LDLRAD3: variants seen among roughly 807,000 people sequenced by gnomAD.
LDLRAD3 encodes low-density lipoprotein receptor class A domain-containing protein 3.
In LDLRAD3, 20 loss-of-function variants were observed where a neutral mutation model predicts 29.4. The ratio of observed to expected loss-of-function variants is 0.68; its 90% confidence interval spans 0.48 to 0.99. LDLRAD3 has a LOEUF of 0.99. Among genes scored for constraint, LDLRAD3 ranks in the 50% least tolerant of loss-of-function variants. LDLRAD3 has a pLI of 0.00. For missense variants in LDLRAD3, 420 were observed against 454.3 expected, an observed-to-expected ratio of 0.92 and a Z score of 0.69; for synonymous variants, 157 against 192.7, an observed-to-expected ratio of 0.81 and a Z score of 1.53.
At chr11:36,092,902 C>T (rs1294496050) in intron 3 of LDLRAD3, among the ~76,000 whole-genome samples, 2 of 152,180 alleles carry the variant, frequency 1.3e-5, no homozygotes, top group African/African-American at 4.8e-5. Flanking sequence ...CTTGCTGCTA[C>T]GTTTGGGCTG....
chr11:35,987,827 T>C (rs1851634122), intron 1 of LDLRAD3, among the ~76,000 whole-genome samples: 1 of 152,196 alleles, frequency 6.6e-6, no homozygotes, highest in South Asian at 2.1e-4. Context: ...TTTTAAGCTC[T>C]TTGAGAAATC....
chr11:36,126,207 C>T (rs111460924), intron 4 of LDLRAD3, among the ~76,000 whole-genome samples: 16 of 152,276 alleles, frequency 1.1e-4, no homozygotes, highest in African/African-American at 3.4e-4. Flanking sequence ...TGCTGGTCCC[C>T]GCTGCCTGCA....
intron 4 of LDLRAD3, among the ~76,000 whole-genome samples, chr11:36,158,016 A>G (rs915095022): frequency 6.6e-6 from 1 of 152,206 alleles, no homozygotes; most frequent in African/African-American, 2.4e-5. Context: ...ATATACAGAT[A>G]GGAAGTCATT....
In LDLRAD3 at chr11:36,024,718, C is replaced by G. The variant is rs76732224; in HGVS notation, c.47-11385C>G. On this transcript the variant is annotated intron_variant, in intron 1 of 5. Transcript: ENST00000315571. ...TGTGCCTTTGGCCCTTCCTTAGTTG[C>G]AAAAGCCAGGGGGCCCTACCAAGTC... Among the ~76,000 whole-genome samples, 159 of 152,284 alleles carry G rather than the reference C, an allele frequency of 1.0e-3. 1 individual carries two copies. Among genetic ancestry groups the G allele is most frequent in the African/African-American group, 3.5e-3 (146 of 41,562 alleles).
chr11:36,069,338 C>T (rs1430784965), intron 2 of LDLRAD3, among the ~76,000 whole-genome samples: 1 of 152,130 alleles, frequency 6.6e-6, no homozygotes, highest in Non-Finnish European at 1.5e-5. Context: ...GCTTTCTTGT[C>T]CCCAACCATG....
chr11:36,039,120 C>G (rs1339426718), intron 2 of LDLRAD3, among the ~76,000 whole-genome samples: 3 of 152,074 alleles, frequency 2.0e-5, no homozygotes, highest in Admixed American at 6.5e-5. Flanking sequence ...CAGGCGCCCG[C>G]CACTACGCCC....
intron 4 of LDLRAD3, among the ~76,000 whole-genome samples, chr11:36,116,413 C>T (rs1195498385): frequency 5.9e-5 from 9 of 151,958 alleles, no homozygotes; most frequent in African/African-American, 1.2e-4. Flanking sequence ...GGGGGTGAAA[C>T]CGACCCTCTT....
intron 4 of LDLRAD3, among the ~76,000 whole-genome samples, chr11:36,210,363 T>C (rs1855267490): frequency 6.6e-6 from 1 of 152,258 alleles, no homozygotes. Flanking sequence ...TTTCTTGTTT[T>C]AAACACAGCC....
intron 4 of LDLRAD3, among the ~76,000 whole-genome samples, chr11:36,105,580 A>G (rs1409605716): frequency 6.6e-6 from 1 of 151,920 alleles, no homozygotes; most frequent in African/African-American, 2.4e-5. Context: ...CGGTGTTCTT[A>G]TAAGAAGGGA....
At chr11:35,975,120 G>T (rs1033941685) in intron 1 of LDLRAD3, among the ~76,000 whole-genome samples, 1 of 152,212 alleles carries the variant, frequency 6.6e-6, no homozygotes, top group Non-Finnish European at 1.5e-5. Context: ...TATGCTGCCT[G>T]CTGACTTCAT....
At chr11:36,216,715 CTTGT>C (rs1281193103) in intron 4 of LDLRAD3, among the ~76,000 whole-genome samples, 4 of 152,206 alleles carry the variant, frequency 2.6e-5, no homozygotes, top group African/African-American at 9.6e-5. Context: ...AGGGGTTTAA[CTTGT>C]CTAATCCAGT....
intron 4 of LDLRAD3, among the ~76,000 whole-genome samples, chr11:36,113,750 T>C (rs566559568): frequency 6.6e-6 from 1 of 150,508 alleles, no homozygotes; most frequent in East Asian, 2.0e-4. Flanking sequence ...CTCAGCCCAT[T>C]GCAACCCCTG....
chr11:35,955,913 C>T (rs994981789), intron 1 of LDLRAD3, among the ~76,000 whole-genome samples: 8 of 152,198 alleles, frequency 5.3e-5, no homozygotes, highest in African/African-American at 1.4e-4. Flanking sequence ...GGGGAGCCCC[C>T]AGGGGCCTTT....
chr11:36,075,798 G>C (rs1040292478), intron 2 of LDLRAD3, among the ~76,000 whole-genome samples: 4 of 151,866 alleles, frequency 2.6e-5, no homozygotes, highest in African/African-American at 9.7e-5. Flanking sequence ...TCCTTATTTT[G>C]TTGGCCTCAG....
intron 4 of LDLRAD3, among the ~76,000 whole-genome samples, chr11:36,200,771 A>G (rs1362788000): frequency 2.6e-5 from 4 of 152,246 alleles, no homozygotes; most frequent in African/African-American, 9.6e-5. Flanking sequence ...ATGGGCTTGC[A>G]GTAAGTGTTC....
chr11:36,218,506 G>A (rs559428679), intron 4 of LDLRAD3, among the ~76,000 whole-genome samples: 2 of 152,356 alleles, frequency 1.3e-5, no homozygotes, highest in East Asian at 3.9e-4. Flanking sequence ...GACTCTCACG[G>A]AGGTTTTCTT....
intron 2 of LDLRAD3, among the ~76,000 whole-genome samples, chr11:36,045,971 C>T (rs1221944425): frequency 1.3e-5 from 2 of 152,050 alleles, no homozygotes; most frequent in African/African-American, 4.8e-5. Flanking sequence ...CTTCGTCCCC[C>T]ACCCCCAACA....
At chr11:36,153,256 C>T (rs1332413479) in intron 4 of LDLRAD3, among the ~76,000 whole-genome samples, 1 of 152,048 alleles carries the variant, frequency 6.6e-6, no homozygotes, top group Non-Finnish European at 1.5e-5. Context: ...AACAGGTCCT[C>T]CTGCAGCAAA....
At chr11:36,072,409 C>G (rs1021941206) in intron 2 of LDLRAD3, among the ~76,000 whole-genome samples, 1 of 152,214 alleles carries the variant, frequency 6.6e-6, no homozygotes, top group Non-Finnish European at 1.5e-5. Context: ...CCATCATCCT[C>G]CAGGACCTTG....
Sources: allele counts gnomAD v4.1 joint callset (sites outside exome capture counted in the v4.1 genomes callset), GRCh38; gene constraint gnomAD v4.1.1; transcripts MANE v1.5; gene names NCBI Gene and HGNC (gene_info 2026-07-23, HGNC 2026-07-21).